Variants in SLC44A3 observed in about 807,000 individuals in gnomAD.
The protein encoded by SLC44A3 is solute carrier family 44 member 3.
SLC44A3 carries 74 observed loss-of-function variants against 75.4 expected under a neutral mutation model. The observed-to-expected ratio is 0.98, with a 90% CI of 0.81 to 1.19. SLC44A3 has a LOEUF of 1.19. SLC44A3 is among the 50% of genes most tolerant of loss of function. SLC44A3 has a pLI of 0.00. For missense variants in SLC44A3, 700 were observed against 778.6 expected, an observed-to-expected ratio of 0.90 and a Z score of 1.20; for synonymous variants, 310 against 296.9, an observed-to-expected ratio of 1.04 and a Z score of -0.45.
intron 14 of SLC44A3, among the ~76,000 whole-genome samples, chr1:94,893,605 A>C (rs902275808): frequency 6.6e-6 from 1 of 151,818 alleles, no homozygotes; most frequent in African/African-American, 2.4e-5. Context: ...TGAACTCCTG[A>C]CCTCAGGTGA....
chr1:94,875,017 A>G (rs150226886), intron 12 of SLC44A3, among the ~76,000 whole-genome samples: 40 of 152,338 alleles, frequency 2.6e-4, no homozygotes, highest in African/African-American at 8.9e-4. Flanking sequence ...CGGCTTGTCA[A>G]TGTTTTACCC....
intron 2 of SLC44A3, among the ~76,000 whole-genome samples, chr1:94,821,941 A>C (rs2100886778): frequency 6.6e-6 from 1 of 152,330 alleles, no homozygotes; most frequent in East Asian, 1.9e-4. Flanking sequence ...TTACAGGCAC[A>C]GTGGAAGGTT....
At position 94,829,899 on chromosome 1, in the gene SLC44A3, T is replaced by C. The variant is rs189146557; in HGVS notation, c.509+1313T>C. Among the ~76,000 whole-genome samples the C allele has an allele frequency of 3.9e-5, 6 of 152,344 alleles. No individual in the cohort carries two copies. The East Asian group carries it at 1.2e-3, about 29-fold the overall frequency. ...ACATACCTTCATATGTCCTTACATA[T>C]ATAAAACAAAACTAGAAATCTCACA... On this transcript the variant is annotated intron_variant, in intron 5 of 14. Transcript: ENST00000271227.
intron 5 of SLC44A3, among the ~76,000 whole-genome samples, chr1:94,830,596 A>T (rs574764174): frequency 6.6e-5 from 10 of 152,358 alleles, no homozygotes; most frequent in Admixed American, 4.6e-4. Flanking sequence ...TATCATAAAC[A>T]CATCTTAATG....
rs1348020247 is a variant in SLC44A3 at position 94,892,361 on chromosome 1, T to G, written c.1701T>G (p.Pro567=). The change falls in exon 14 of 15, where the codon CCT becomes CCG. Residue 567 remains proline, a synonymous_variant. Coordinates refer to ENST00000271227, the MANE Select transcript of SLC44A3 (RefSeq NM_001114106.3). ...YNRAFQVWAV[P]LLLVAFFAYL... ...GGGCATTCCAGGTGTGGGCAGTCCCTCTGTTATTGGTAGCTTTTTTTGCCT... is the reference window on the plus strand; with the variant it reads ...GGGCATTCCAGGTGTGGGCAGTCCCGCTGTTATTGGTAGCTTTTTTTGCCT... 9 of 1,614,040 alleles carry G rather than the reference T, an allele frequency of 5.6e-6. No individual in the cohort carries two copies. Among genetic ancestry groups the G allele is most frequent in the Admixed American group, 1.7e-5 (1 of 60,006 alleles).
At chr1:94,841,898 C>T (rs746508230) in intron 7 of SLC44A3, 102 bp from the exon 8 acceptor site, 50 of 1,445,066 alleles carry the variant, frequency 3.5e-5, no homozygotes, top group South Asian at 8.8e-5. Context: ...CAGTGCCACG[C>T]GGCCGGTGGG....
intron 12 of SLC44A3, among the ~76,000 whole-genome samples, chr1:94,884,426 C>A (rs1303262046): frequency 6.6e-6 from 1 of 152,148 alleles, no homozygotes; most frequent in Non-Finnish European, 1.5e-5. Context: ...AGGAAGGCCC[C>A]TGGATGTATG....
chr1:94,849,013 C>T (rs960647094), intron 9 of SLC44A3, among the ~76,000 whole-genome samples: 1 of 152,084 alleles, frequency 6.6e-6, no homozygotes, highest in Non-Finnish European at 1.5e-5. Context: ...AAGGAGCAAG[C>T]CCCAAGGCTG....
intron 5 of SLC44A3, among the ~76,000 whole-genome samples, chr1:94,830,098 G>A (rs900566140): frequency 6.6e-5 from 10 of 152,188 alleles, no homozygotes; most frequent in Non-Finnish European, 1.3e-4. Flanking sequence ...AAATCACATC[G>A]GAGGCAGAAA....
chr1:94,849,885 G>C (rs998849592), intron 9 of SLC44A3, among the ~76,000 whole-genome samples: 3 of 152,036 alleles, frequency 2.0e-5, no homozygotes, highest in South Asian at 2.1e-4. Flanking sequence ...CCAGTAGCTG[G>C]GGCTGCACAT....
chr1:94,827,230 C>G (rs952504234), intron 3 of SLC44A3, among the ~76,000 whole-genome samples: 3 of 152,214 alleles, frequency 2.0e-5, no homozygotes, highest in Non-Finnish European at 4.4e-5. Context: ...TTCTTTTCCT[C>G]AGATTTTCTC....
chr1:94,893,521 C>T (rs1670446829), intron 14 of SLC44A3, among the ~76,000 whole-genome samples: 1 of 152,168 alleles, frequency 6.6e-6, no homozygotes, highest in South Asian at 2.1e-4. Flanking sequence ...GCTGGGATTA[C>T]AGGCGTGCAC....
At chr1:94,873,682 C>T (rs1301294524) in intron 12 of SLC44A3, among the ~76,000 whole-genome samples, 2 of 152,168 alleles carry the variant, frequency 1.3e-5, no homozygotes, top group Non-Finnish European at 2.9e-5. Context: ...TTCTCGTAGT[C>T]CATCAATAGC....
intron 9 of SLC44A3, 83 bp downstream of exon 9, chr1:94,845,547 G>T: frequency 7.5e-7 from 1 of 1,339,408 alleles, no homozygotes; most frequent in East Asian, 2.4e-5. Context: ...GTTTCTGTAG[G>T]CACCTAACCC....
At chr1:94,872,408 A>C (rs1403650907) in intron 12 of SLC44A3, among the ~76,000 whole-genome samples, 3 of 148,184 alleles carry the variant, frequency 2.0e-5, no homozygotes, top group Admixed American at 2.0e-4. Flanking sequence ...TTGTTTATTC[A>C]TTCTTTTTTT....
At chr1:94,824,755 A>C in intron 3 of SLC44A3, 120 bp downstream of exon 3, 1 of 1,266,212 alleles carries the variant, frequency 7.9e-7, no homozygotes, top group Non-Finnish European at 1.1e-6. Flanking sequence ...ATTTTATAAA[A>C]AGGAAGGCTG....
intron 7 of SLC44A3, 102 bp downstream of exon 7, chr1:94,840,139 T>TTTA: frequency 1.0e-6 from 1 of 968,640 alleles, no homozygotes; most frequent in Admixed American, 1.9e-5. Flanking sequence ...ACATGGAGTC[T>TTTA]TAAAGAGTAT....
chr1:94,870,669 T>A (rs1012936104), intron 12 of SLC44A3, among the ~76,000 whole-genome samples: 17 of 152,130 alleles, frequency 1.1e-4, no homozygotes, highest in African/African-American at 3.9e-4. Flanking sequence ...GTTGTTAGGT[T>A]TTTTGTTTTC....
chr1:94,852,570 A>G (rs775325670), intron 9 of SLC44A3, among the ~76,000 whole-genome samples: 32 of 152,148 alleles, frequency 2.1e-4, no homozygotes, highest in Non-Finnish European at 2.9e-5. Flanking sequence ...CCTTTGTAGG[A>G]ACTTTGGCTT....
Sources: allele counts gnomAD v4.1 joint callset (sites outside exome capture counted in the v4.1 genomes callset), GRCh38; gene constraint gnomAD v4.1.1; transcripts MANE v1.5; gene names NCBI Gene and HGNC (gene_info 2026-07-23, HGNC 2026-07-21).